Variants in RFX3 observed in about 807,000 individuals in gnomAD.
The protein encoded by RFX3 is regulatory factor X3, also known as transcription factor RFX3.
RFX3 carries 14 observed loss-of-function variants against 98.6 expected under a neutral mutation model. That is an observed-to-expected ratio of 0.14 (90% CI 0.09 to 0.22). The LOEUF (loss-of-function observed/expected upper bound fraction) is 0.22. Ranked by LOEUF, RFX3 falls within the 10% of genes least tolerant of loss-of-function variation. The pLI, the probability that RFX3 is intolerant of heterozygous loss-of-function variation, is 1.00. For synonymous variants in RFX3, 383 were observed against 328.4 expected (o/e 1.17, Z -1.80); for missense variants, 639 against 926.9 (o/e 0.69, Z 4.03).
intron 1 of RFX3, among the ~76,000 whole-genome samples, chr9:3,402,175 G>A (rs1367857498): frequency 6.6e-6 from 1 of 152,068 alleles, no homozygotes; most frequent in Non-Finnish European, 1.5e-5. Flanking sequence ...TTAAAAATAG[G>A]TAGTATCCAC....
intron 1 of RFX3, among the ~76,000 whole-genome samples, chr9:3,449,217 TTC>T (rs1408491681): frequency 6.6e-6 from 1 of 152,200 alleles, no homozygotes; most frequent in Admixed American, 6.5e-5. Flanking sequence ...CTTAATTTCC[TTC>T]TGTCGTGTCC....
chr9:3,295,625 A>T (rs1218305552), intron 5 of RFX3, among the ~76,000 whole-genome samples: 2 of 152,138 alleles, frequency 1.3e-5, no homozygotes, highest in Admixed American at 1.3e-4. Context: ...TGGAACACAC[A>T]ATATGTGTAA....
chr9:3,466,397 A>C (rs1587765628), intron 1 of RFX3, among the ~76,000 whole-genome samples: 1 of 152,194 alleles, frequency 6.6e-6, no homozygotes, highest in Non-Finnish European at 1.5e-5. Flanking sequence ...TAAATTATTA[A>C]AAGAAAAAAA....
chr9:3,475,127 AAAGGAAGG>A (rs1049436487), intron 1 of RFX3, among the ~76,000 whole-genome samples: 1 of 151,692 alleles, frequency 6.6e-6, no homozygotes, highest in African/African-American at 2.4e-5. Flanking sequence ...AGAAAAAGAA[AAAGGAAGG>A]AAGGAAGGAA....
At chr9:3,467,654 C>G (rs753863181) in intron 1 of RFX3, among the ~76,000 whole-genome samples, 1 of 152,008 alleles carries the variant, frequency 6.6e-6, no homozygotes, top group East Asian at 1.9e-4. Context: ...AATAACTAGT[C>G]TTCAAAAGAG....
intron 7 of RFX3, among the ~76,000 whole-genome samples, chr9:3,279,637 A>G (rs1342299330): frequency 6.6e-6 from 1 of 151,816 alleles, no homozygotes; most frequent in Non-Finnish European, 1.5e-5. Context: ...TTCCACTTAG[A>G]CTGTAAGTTT....
At chr9:3,441,072 T>C (rs1034643119) in intron 1 of RFX3, among the ~76,000 whole-genome samples, 1 of 152,116 alleles carries the variant, frequency 6.6e-6, no homozygotes, top group Non-Finnish European at 1.5e-5. Context: ...TACACAAAAT[T>C]AACTAAAAAT....
chr9:3,277,279 G>C (rs1825354822), intron 8 of RFX3, 61 bp downstream of exon 8: 9 of 1,558,520 alleles, frequency 5.8e-6, no homozygotes, highest in Non-Finnish European at 7.9e-6. Flanking sequence ...ATTGCACTTG[G>C]AGAAAAGACT....
At chr9:3,436,254 T>A (rs942369879) in intron 1 of RFX3, among the ~76,000 whole-genome samples, 1 of 152,078 alleles carries the variant, frequency 6.6e-6, no homozygotes, top group African/African-American at 2.4e-5. Flanking sequence ...CTTCTAGATT[T>A]CCATTTTCAG....
At chr9:3,275,727 C>G (rs184792653) in intron 8 of RFX3, 115 bp from the exon 9 acceptor site, 30 of 552,456 alleles carry the variant, frequency 5.4e-5, no homozygotes, top group Non-Finnish European at 8.7e-5. Context: ...GGTCAGGGGT[C>G]CAGAGAGCAA....
Position 3,436,523 on chromosome 9 carries a change from C to G in RFX3, c.-8-40927G>C, listed in dbSNP as rs12001609. ...GAGTATTTATGTCAAAACTAATATA[C>G]CTTAAAATGAATAAATACTTCAGTA... is the stretch of plus-strand genomic sequence containing the variant. On this transcript the variant is annotated intron_variant, in intron 1 of 16. Coordinates refer to ENST00000617270, the MANE Select transcript of RFX3 (RefSeq NM_001282116.2). 2.8e-3 allele frequency among the ~76,000 whole-genome samples: 424 copies of G among 151,960 alleles called. 2 individuals are homozygous for G. Among genetic ancestry groups the G allele is most frequent in the African/African-American group, 9.7e-3 (401 of 41,488 alleles).
At chr9:3,458,091 A>G (rs1847355279) in intron 1 of RFX3, among the ~76,000 whole-genome samples, 1 of 152,228 alleles carries the variant, frequency 6.6e-6, no homozygotes, top group South Asian at 2.1e-4. Flanking sequence ...AGCCATGGCA[A>G]TATAAAAAAG....
At chr9:3,347,897 T>C (rs751017729) in intron 2 of RFX3, among the ~76,000 whole-genome samples, 6 of 152,194 alleles carry the variant, frequency 3.9e-5, no homozygotes, top group African/African-American at 1.2e-4. Context: ...TTCTAAGAGA[T>C]AGGAATTGTT....
intron 3 of RFX3, among the ~76,000 whole-genome samples, chr9:3,336,837 C>G (rs1222597643): frequency 6.6e-6 from 1 of 152,100 alleles, no homozygotes; most frequent in African/African-American, 2.4e-5. Context: ...AACATCAGTG[C>G]TTATTACACT....
chr9:3,510,148 A>C (rs1817529384), intron 1 of RFX3, among the ~76,000 whole-genome samples: 1 of 152,002 alleles, frequency 6.6e-6, no homozygotes, highest in Non-Finnish European at 1.5e-5. Flanking sequence ...GTGCAGGGCC[A>C]GACATAGTAA....
chr9:3,402,200 G>T (rs1841541684), intron 1 of RFX3, among the ~76,000 whole-genome samples: 1 of 152,050 alleles, frequency 6.6e-6, no homozygotes, highest in South Asian at 2.1e-4. Context: ...TTTTTATTGG[G>T]GTCTTTCATC....
intron 15 of RFX3, among the ~76,000 whole-genome samples, chr9:3,244,320 T>C (rs879630405): frequency 2.6e-5 from 4 of 152,134 alleles, no homozygotes; most frequent in Admixed American, 6.6e-5. Flanking sequence ...ATTTCATCAT[T>C]TGTAACACAG....
chr9:3,348,438 A>G (rs1374922288), intron 2 of RFX3, among the ~76,000 whole-genome samples: 2 of 151,690 alleles, frequency 1.3e-5, no homozygotes, highest in Admixed American at 1.3e-4. Flanking sequence ...TGAGGATATT[A>G]GTAGCCATTG....
chr9:3,412,780 A>C (rs1334898947), intron 1 of RFX3, among the ~76,000 whole-genome samples: 2 of 152,154 alleles, frequency 1.3e-5, no homozygotes, highest in Non-Finnish European at 2.9e-5. Flanking sequence ...CCAGAAAAAA[A>C]CTGCAAATTT....
Sources: gnomAD v4.1 joint callset for allele counts (sites outside exome capture counted in the v4.1 genomes callset) on GRCh38, gnomAD v4.1.1 for gene constraint, MANE v1.5 for transcripts, NCBI Gene and HGNC (gene_info 2026-07-23, HGNC 2026-07-21) for gene names.